MAPK13: variants seen among roughly 807,000 people sequenced by gnomAD.
MAPK13 encodes MAP kinase 13.
A neutral mutation model predicts 53.5 loss-of-function variants in MAPK13; 39 were observed. The ratio of observed to expected loss-of-function variants is 0.73; its 90% CI spans 0.56 to 0.95. The LOEUF is 0.95. Ranked by LOEUF, MAPK13 falls within the 40% of genes least tolerant of loss-of-function variation. MAPK13 has a pLI of 0.00. For missense variants in MAPK13, 460 were observed against 471.8 expected, an observed-to-expected ratio of 0.98 and a Z score of 0.23; for synonymous variants, 179 against 190.9, an observed-to-expected ratio of 0.94 and a Z score of 0.51.
chr6:36,136,025 C>T lies in MAPK13; in HGVS notation c.424C>T (p.His142Tyr). Residue 142 changes from histidine to tyrosine, a missense_variant, in exon 5 of 12, where the codon CAC (histidine) becomes TAC (tyrosine). Physicochemically the swap from His to Tyr is moderately conservative, Grantham distance 83. Transcript: ENST00000211287. ...YQMLKGLKYI[H>Y]SAGVVHRDLK... ...TTCTCTCTCTCCCACATAGTACATCCACTCTGCTGGGGTCGTGCACAGGGT... is the reference window on the plus strand; with the variant it reads ...TTCTCTCTCTCCCACATAGTACATCTACTCTGCTGGGGTCGTGCACAGGGT... The T allele has an allele frequency of 6.2e-7, 1 of 1,614,092 alleles. No homozygotes were observed. Among genetic ancestry groups the T allele is most frequent in the South Asian group, 1.1e-5 (1 of 91,078 alleles).
chr6:36,130,576 G>A lies in MAPK13; in HGVS notation c.-7G>A, dbSNP rs749511052. On this transcript the variant is annotated 5_prime_UTR_variant, in exon 1 of 12. Transcript: ENST00000211287. The surrounding 1 kb of genome is among the most constrained non-coding windows in gnomAD (Gnocchi z 4.5). ...CACGCTGGGGCCGCCGAGATCGGGT[G>A]CCCGGGATGAGCCTCATCCGGAAAA... The A allele has an allele frequency of 1.3e-6, 2 of 1,493,904 alleles. No individual in the cohort carries two copies. Among genetic ancestry groups the A allele is most frequent in the East Asian group, 5.5e-5 (2 of 36,402 alleles). The allele number at this position is 1,493,904 out of a possible 1,614,324, so 92.5% of individuals were successfully genotyped here. A position where few individuals can be genotyped will look rare whatever the true frequency, so the allele number is the denominator to read the frequency against.
chr6:36,139,235 G>A (rs1227234618), intron 11 of MAPK13, 59 bp from the exon 12 acceptor site: 1 of 1,521,842 alleles, frequency 6.6e-7, no homozygotes, highest in Non-Finnish European at 9.1e-7. Flanking sequence ...TCTGAAGGGG[G>A]GTGGACTTTC....
intron 3 of MAPK13, among the ~76,000 whole-genome samples, chr6:36,132,913 A>G (rs1230802389): frequency 6.6e-6 from 1 of 152,212 alleles, no homozygotes; most frequent in Non-Finnish European, 1.5e-5. Flanking sequence ...GGCAGGGGGC[A>G]GTCTGCACAG....
chr6:36,137,958 C>CAAAAA (rs35527328), intron 8 of MAPK13, among the ~76,000 whole-genome samples: 4 of 83,384 alleles, frequency 4.8e-5, no homozygotes, highest in East Asian at 7.2e-4. Context: ...GACCCTGTCT[C>CAAAAA]AAAAAAAAAA....
At chr6:36,131,005 T>G in intron 1 of MAPK13, 1 of 515,024 alleles carries the variant, frequency 1.9e-6, no homozygotes, top group South Asian at 2.7e-5. Context: ...GAGGGGGAGG[T>G]GGCTCGCCAA....
intron 4 of MAPK13, 36 bp downstream of exon 4, chr6:36,135,897 C>T (rs1189513975): frequency 6.3e-7 from 1 of 1,599,366 alleles, no homozygotes; most frequent in East Asian, 2.2e-5. Context: ...GAGGGGACGC[C>T]TTGCTGTCTA....
At position 36,138,435 on chromosome 6, in the gene MAPK13, C is replaced by T. The variant is rs201112625; in HGVS notation, c.753C>T (p.Asn251=). The T allele has an allele frequency of 3.1e-5, 50 of 1,613,920 alleles. No individual in the cohort carries two copies. In the Middle Eastern group the frequency reaches 2.0e-3, roughly 64 times the overall value. ...VPGTEFVQKL[N]DKAAKSYIQS... The stretch of plus-strand genomic sequence containing the variant: ...GCACGGAGTTTGTGCAGAAGCTGAA[C>T]GACAAAGCGGTGGGTGGTAAATGGG... Residue 251 remains asparagine (N), a synonymous_variant, in exon 9 of 12, where the codon AAC becomes AAT. Coordinates refer to ENST00000211287, the MANE Select transcript of MAPK13 (RefSeq NM_002754.5).
rs1285945803 is a variant in MAPK13, at chr6:36,142,289, CACAT to C, written c.*2918_*2921del. The C allele has an allele frequency of 2.6e-5, 4 of 152,542 alleles. No homozygotes were observed. Among genetic ancestry groups the C allele is most frequent in the East Asian group, 3.9e-4 (2 of 5,188 alleles). 9.4% of individuals were successfully genotyped at this position (152,542 alleles called of 1,614,324 possible). On this transcript the variant is annotated 3_prime_UTR_variant, in exon 12 of 12. Coordinates refer to ENST00000211287, the MANE Select transcript of MAPK13 (RefSeq NM_002754.5). This position sits in a 1 kb window ranked among gnomAD's most constrained non-coding sequence, Gnocchi z 4.4. ...CCCATTTTCTCCCAACAGCATGACA[CACAT>C]AGCCTTTTTTGCCCAGTGCAGCCCA...
chr6:36,139,040 G>A lies in MAPK13; in HGVS notation c.1003G>A (p.Val335Met), dbSNP rs1178474815. 2 of 1,600,428 alleles carry A rather than the reference G, an allele frequency of 1.2e-6. No homozygotes were observed. Among genetic ancestry groups the A allele is most frequent in the Admixed American group, 1.8e-5 (1 of 56,342 alleles). Residue 335 changes from valine (V) to methionine (M), a missense_variant, in exon 11 of 12, where the codon GTG (valine) becomes ATG (methionine). Val to Met is a conservative substitution (Grantham distance 21, BLOSUM62 1). Transcript: ENST00000211287. ...DDSLEHEKLT[V>M]DEWKQHIYKE... ...TTCCTTAGAACACGAGAAACTCACA[G>A]TGGATGAATGGAAGCGTAAGAGCTG... is the stretch of plus-strand genomic sequence containing the variant.
rs763734482 is a variant in MAPK13 at position 36,130,708 on chromosome 6, C to A, written c.119+7C>A. 6.1e-6 allele frequency: 8 copies of A among 1,303,366 alleles called. No homozygotes were observed. Among genetic ancestry groups the A allele is most frequent in the Non-Finnish European group, 8.3e-6 (8 of 958,142 alleles). 80.7% of individuals were successfully genotyped at this position (1,303,366 alleles called of 1,614,324 possible). A position where few individuals can be genotyped will look rare whatever the true frequency, so the allele number is the denominator to read the frequency against. On this transcript the variant is annotated splice_region_variant and intron_variant, in intron 1 of 11. Transcript: ENST00000211287. The surrounding 1 kb of genome is among the most constrained non-coding windows in gnomAD (Gnocchi z 4.5). ...GGGCCTATGGCTCCGTGTGGTGAGA[C>A]CCCTGGGCCGCTGGGGGGCGGGGGG...
At chr6:36,134,760 T>C (rs1003699810) in intron 3 of MAPK13, among the ~76,000 whole-genome samples, 1 of 151,896 alleles carries the variant, frequency 6.6e-6, no homozygotes, top group East Asian at 1.9e-4. Context: ...ACGCCTGTAA[T>C]CCCAGCACTT....
rs1326130798 is a variant in MAPK13 at position 36,132,642 on chromosome 6, TTCA to T, written c.272_274del (p.Phe91_Thr92delinsSer). Reference sequence around the variant, plus strand: ...CCAGGTCATTGGGCTCCTGGATGTCTTCACCCCAGCCTCCTCCCTGCGCAACTT... The same window carrying T: ...CCAGGTCATTGGGCTCCTGGATGTCTCCCCAGCCTCCTCCCTGCGCAACTT... On this transcript the variant is annotated inframe_deletion, in exon 3 of 12. Transcript: ENST00000211287. 1 of 1,614,092 alleles carries T rather than the reference TTCA, an allele frequency of 6.2e-7. No homozygotes were observed. Among genetic ancestry groups the T allele is most frequent in the Non-Finnish European group, 8.5e-7 (1 of 1,180,042 alleles).
chr6:36,139,041 T>C lies in MAPK13; in HGVS notation c.1004T>C (p.Val335Ala). The C allele has an allele frequency of 1.3e-6, 2 of 1,599,372 alleles. No homozygotes were observed. Among genetic ancestry groups the C allele is most frequent in the Non-Finnish European group, 1.7e-6 (2 of 1,174,392 alleles). ...DDSLEHEKLT[V>A]DEWKQHIYKE... ...TCCTTAGAACACGAGAAACTCACAG[T>C]GGATGAATGGAAGCGTAAGAGCTGG... is the stretch of plus-strand genomic sequence containing the variant. The change falls in exon 11 of 12, where the codon GTG becomes GCG. Residue 335 changes from valine to alanine, a missense_variant. Val to Ala is a moderately conservative substitution (Grantham distance 64). Coordinates refer to ENST00000211287, the MANE Select transcript of MAPK13 (RefSeq NM_002754.5).
chr6:36,137,060 C>A, intron 8 of MAPK13, 110 bp downstream of exon 8: 1 of 889,244 alleles, frequency 1.1e-6, no homozygotes, highest in Non-Finnish European at 1.8e-6. Flanking sequence ...TACATACTCC[C>A]TGTAGAATAA....
In MAPK13 at chr6:36,144,454, A is replaced by G. The variant is rs766468748; in HGVS notation, c.*5081A>G. 3.9e-5 allele frequency: 6 copies of G among 152,230 alleles called. No homozygotes were observed. Among genetic ancestry groups the G allele is most frequent in the Non-Finnish European group, 5.9e-5 (4 of 68,038 alleles). 9.4% of individuals were successfully genotyped at this position (152,230 alleles called of 1,614,324 possible). A position where few individuals can be genotyped will look rare whatever the true frequency, so the allele number is the denominator to read the frequency against. On this transcript the variant is annotated 3_prime_UTR_variant, in exon 12 of 12. Coordinates refer to ENST00000211287, the MANE Select transcript of MAPK13 (RefSeq NM_002754.5). ...CTATTGGCACTGCTGATACAACTGC[A>G]CTTTGCTACCTTTGTTCATAACCAA...
intron 1 of MAPK13, 104 bp from the exon 2 acceptor site, chr6:36,131,167 C>T (rs1414115042): frequency 7.3e-7 from 1 of 1,376,954 alleles, no homozygotes; most frequent in African/African-American, 1.4e-5. Context: ...GGTGGTGGGC[C>T]TAGTCCCCTC....
intron 4 of MAPK13, 54 bp downstream of exon 4, chr6:36,135,915 G>C: frequency 6.3e-7 from 1 of 1,598,432 alleles, no homozygotes. Flanking sequence ...CTAGACCTGA[G>C]GTTTGGGGAG....
chr6:36,138,937 G>A lies in MAPK13; in HGVS notation c.900G>A (p.Ala300=), dbSNP rs1452607844. Reference sequence around the variant, plus strand: ...ACGTGGACAAGCGCCTGACGGCCGCGCAGGCCCTCACCCATCCCTTCTTTG... The same window carrying A: ...ACGTGGACAAGCGCCTGACGGCCGCACAGGCCCTCACCCATCCCTTCTTTG... ...ELDVDKRLTA[A]QALTHPFFEP... The change falls in exon 11 of 12, where the codon GCG becomes GCA. Residue 300 remains alanine (A), a synonymous_variant. Transcript: ENST00000211287. 31 of 1,612,936 alleles carry A rather than the reference G, an allele frequency of 1.9e-5. No homozygotes were observed. Among genetic ancestry groups the A allele is most frequent in the Admixed American group, 6.7e-5 (4 of 59,640 alleles).
chr6:36,137,050 T>C (rs1249492510), intron 8 of MAPK13, 100 bp downstream of exon 8: 2 of 959,886 alleles, frequency 2.1e-6, no homozygotes, highest in African/African-American at 3.2e-5. Flanking sequence ...GTGAGAGTGA[T>C]ACATACTCCC....
Sources: gnomAD v4.1 joint callset for allele counts (sites outside exome capture counted in the v4.1 genomes callset) on GRCh38, gnomAD v4.1.1 for gene constraint, Gnocchi (gnomAD v3.1) non-coding constraint, MANE v1.5 for transcripts, NCBI Gene and HGNC (gene_info 2026-07-23, HGNC 2026-07-21) for gene names.